PCDHGA8: variants seen among roughly 807,000 people sequenced by gnomAD.
PCDHGA8 encodes the protein protocadherin gamma-A8.
In PCDHGA8, 45 loss-of-function variants were observed where a neutral mutation model predicts 59.2. That is an observed-to-expected ratio of 0.76 (90% confidence interval 0.60 to 0.98). The LOEUF (loss-of-function observed/expected upper bound fraction) is 0.98, where lower values mean the gene tolerates loss of function less well. Ranked by LOEUF, PCDHGA8 falls within the 50% of genes least tolerant of loss-of-function variation. The probability of loss-of-function intolerance (pLI) is 0.00; values close to 1 mark genes in which losing one functional copy is unlikely to be tolerated. For synonymous variants in PCDHGA8, 531 were observed against 519.0 expected (o/e 1.02, Z -0.32); for missense variants, 1,257 against 1,196.2 (o/e 1.05, Z -0.75).
chr5:141,395,305 A>G, intron 1 of PCDHGA8, 68 bp downstream of exon 1: 1 of 1,514,986 alleles, frequency 6.6e-7, no homozygotes. Flanking sequence ...TATGTTTTGA[A>G]AAACATTGTG....
At chr5:141,423,354 C>A in intron 1 of PCDHGA8, 1 of 1,614,202 alleles carries the variant, frequency 6.2e-7, no homozygotes. Context: ...TGGTCTTTGT[C>A]ATCGTGCTGC....
Position 141,489,358 on chromosome 5 carries a change from G to C in PCDHGA8, c.2425-5449G>C. 1 of 1,613,144 alleles carries C rather than the reference G, an allele frequency of 6.2e-7. No homozygotes were observed. The highest frequency in any genetic ancestry group is 1.7e-4 in the Middle Eastern group (1 of 6,052). On this transcript the variant is annotated intron_variant, in intron 1 of 3. Coordinates refer to ENST00000398604, the MANE Select transcript of PCDHGA8 (RefSeq NM_032088.2). The surrounding 1 kb of genome is among the most constrained non-coding windows in gnomAD (Gnocchi z 4.5). ...TCGTTACTCAGTGGTGGAGGAGTCT[G>C]AGCCGGGGACGCTGGTGGGGAATGT...
rs2099615088 is a variant in PCDHGA8, at chr5:141,485,526, G to A, written c.2425-9281G>A. On this transcript the variant is annotated intron_variant, in intron 1 of 3. Coordinates refer to ENST00000398604, the MANE Select transcript of PCDHGA8 (RefSeq NM_032088.2). The surrounding 1 kb of genome is among the most constrained non-coding windows in gnomAD (Gnocchi z 5.7). Reference sequence around the variant, plus strand: ...ACCGAAGGTCCTTTGGAAATGTACCGAGCAGAGGTAGAGATCGTAGATGTG... The same window carrying A: ...ACCGAAGGTCCTTTGGAAATGTACCAAGCAGAGGTAGAGATCGTAGATGTG... 6.2e-7 allele frequency: 1 copy of A among 1,614,154 alleles called. No individual in the cohort carries two copies. The highest frequency in any genetic ancestry group is 2.2e-5 in the East Asian group (1 of 44,880).
At chr5:141,427,400 A>T in intron 1 of PCDHGA8, 1 of 461,200 alleles carries the variant, frequency 2.2e-6, no homozygotes, top group Non-Finnish European at 4.3e-6. Context: ...CACATGATAA[A>T]GATTCGAGAG....
rs1225473275 is a variant in PCDHGA8 at position 141,512,442 on chromosome 5, TC to T, written c.*1271del. ...GGCCCCTGCCCTCCTGAAGCCTCAG[TC>T]CTTCACCTTGCCAGGTGCCGTTTCT... is the stretch of plus-strand genomic sequence containing the variant. On this transcript the variant is annotated 3_prime_UTR_variant, in exon 4 of 4. Transcript: ENST00000398604. 1 of 152,892 alleles carries T rather than the reference TC, an allele frequency of 6.5e-6. No individual in the cohort carries two copies. Among genetic ancestry groups the T allele is most frequent in the African/African-American group, 2.4e-5 (1 of 41,466 alleles). 9.5% of individuals were successfully genotyped at this position (152,892 alleles called of 1,614,324 possible).
chr5:141,404,278 G>T (rs780738049), intron 1 of PCDHGA8: 7 of 1,613,962 alleles, frequency 4.3e-6, no homozygotes, highest in Admixed American at 3.3e-5. Flanking sequence ...CCCTGCAAGT[G>T]ACTGACATCA....
Position 141,486,929 on chromosome 5 carries a change from G to A in PCDHGA8, c.2425-7878G>A. 2.5e-6 allele frequency: 4 copies of A among 1,614,226 alleles called. No individual in the cohort carries two copies. Among genetic ancestry groups the A allele is most frequent in the Non-Finnish European group, 2.5e-6 (3 of 1,180,038 alleles). ...CCAAGCACTGCCTCCATCAGTTGGT[G>A]CTGGCCACCTAATCACAAAGGTGAC... On this transcript the variant is annotated intron_variant, in intron 1 of 3. Transcript: ENST00000398604. This position sits in a 1 kb window ranked among gnomAD's most constrained non-coding sequence, Gnocchi z 5.0.
chr5:141,426,643 T>C (rs1280631056), intron 1 of PCDHGA8: 1 of 411,758 alleles, frequency 2.4e-6, no homozygotes, highest in Non-Finnish European at 5.0e-6. Flanking sequence ...CACATAAATG[T>C]GATGATAGAA....
intron 1 of PCDHGA8, among the ~76,000 whole-genome samples, chr5:141,480,672 T>A (rs1053078255): frequency 2.0e-5 from 3 of 152,166 alleles, no homozygotes; most frequent in African/African-American, 7.2e-5. Context: ...CCTAGAGACC[T>A]TTTAAAAATT....
chr5:141,421,561 G>T (rs2096583505), intron 1 of PCDHGA8: 1 of 1,613,992 alleles, frequency 6.2e-7, no homozygotes, highest in Non-Finnish European at 8.5e-7. Context: ...ACTTCTCGTG[G>T]AAGACACCTT....
chr5:141,399,078 G>C (rs2093750242), intron 1 of PCDHGA8: 1 of 1,613,746 alleles, frequency 6.2e-7, no homozygotes, highest in African/African-American at 1.3e-5. Context: ...TTGTAGAAGG[G>C]AGGGATGGTG....
intron 1 of PCDHGA8, chr5:141,413,929 C>T (rs2095693828): frequency 6.2e-7 from 1 of 1,613,342 alleles, no homozygotes; most frequent in South Asian, 1.1e-5. Context: ...GCCAGAATAC[C>T]GAGTGAGTGT....
intron 1 of PCDHGA8, chr5:141,408,445 C>T (rs759314379): frequency 2.5e-6 from 4 of 1,613,846 alleles, no homozygotes; most frequent in Admixed American, 1.7e-5. Flanking sequence ...ACGCGGAGAG[C>T]GGGGACTTAC....
rs779065098 is a variant in PCDHGA8 at position 141,491,758 on chromosome 5, C to T, written c.2425-3049C>T. 1.8e-5 allele frequency: 29 copies of T among 1,578,670 alleles called. No homozygotes were observed. Among genetic ancestry groups the T allele is most frequent in the Non-Finnish European group, 2.2e-5 (26 of 1,163,530 alleles). ...TGGGGGCGGCACTGGAGAAGCCGCC[C>T]GTCCTCATAAGGGATTGAACTTGCA... On this transcript the variant is annotated intron_variant, in intron 1 of 3. Transcript: ENST00000398604. The surrounding 1 kb of genome is among the most constrained non-coding windows in gnomAD (Gnocchi z 6.9).
intron 1 of PCDHGA8, among the ~76,000 whole-genome samples, chr5:141,406,298 T>G (rs2154537368): frequency 6.6e-6 from 1 of 152,178 alleles, no homozygotes; most frequent in East Asian, 1.9e-4. Flanking sequence ...GGGTGAGGTG[T>G]GAACCACCTC....
At chr5:141,463,165 C>G (rs1042153238) in intron 1 of PCDHGA8, among the ~76,000 whole-genome samples, 1 of 152,148 alleles carries the variant, frequency 6.6e-6, no homozygotes, top group Non-Finnish European at 1.5e-5. Context: ...TCAGTGCACT[C>G]TATGTATGCT....
intron 1 of PCDHGA8, among the ~76,000 whole-genome samples, chr5:141,449,636 TA>T (rs1448731592): frequency 7.3e-5 from 11 of 150,610 alleles, no homozygotes; most frequent in Non-Finnish European, 1.2e-4. Flanking sequence ...AAGATGTATC[TA>T]TATATACATA....
chr5:141,403,343 C>T (rs774711306), intron 1 of PCDHGA8: 10 of 1,614,000 alleles, frequency 6.2e-6, no homozygotes, highest in Admixed American at 1.7e-5. Context: ...CGACAGCGCC[C>T]CAAAGTTCCA....
In PCDHGA8 at chr5:141,487,694, AC is replaced by A. The variant is rs1296386169; in HGVS notation, c.2425-7112del. On this transcript the variant is annotated intron_variant, in intron 1 of 3. Coordinates refer to ENST00000398604, the MANE Select transcript of PCDHGA8 (RefSeq NM_032088.2). The surrounding 1 kb of genome is among the most constrained non-coding windows in gnomAD (Gnocchi z 5.0). ...ATGGCTAGGCCATGTCCTAGAGAGT[AC>A]TGGCCTCTCAGTAAGTGCCCATAGT... is the stretch of plus-strand genomic sequence containing the variant. The A allele has an allele frequency of 6.2e-7, 1 of 1,602,048 alleles. No individual in the cohort carries two copies. The highest frequency in any genetic ancestry group is 2.2e-5 in the East Asian group (1 of 44,642).
Sources: allele counts gnomAD v4.1 joint callset (sites outside exome capture counted in the v4.1 genomes callset), GRCh38; gene constraint gnomAD v4.1.1; non-coding constraint Gnocchi (gnomAD v3.1); transcripts MANE v1.5; gene names NCBI Gene and HGNC (gene_info 2026-07-23, HGNC 2026-07-21).